The following LSAMP variants were observed in gnomAD, a reference collection of about 807,000 sequenced individuals.
LSAMP encodes limbic system associated membrane protein, also known as limbic system-associated membrane protein.
A neutral mutation model predicts 38.6 loss-of-function variants in LSAMP; 7 were observed. The observed-to-expected ratio is 0.18, with a 90% CI of 0.10 to 0.34. The LOEUF is 0.34. Ranked by LOEUF, LSAMP falls within the 10% of genes least tolerant of loss-of-function variation. LSAMP has a pLI of 1.00. For missense variants in LSAMP, 313 were observed against 420.0 expected (o/e 0.75, Z 2.23); for synonymous variants, 154 against 166.8 (o/e 0.92, Z 0.59).
intron 3 of LSAMP, among the ~76,000 whole-genome samples, chr3:115,997,006 G>C (rs1939833900): frequency 6.6e-6 from 1 of 152,120 alleles, no homozygotes; most frequent in Non-Finnish European, 1.5e-5. Context: ...GTGACCATGT[G>C]ACTCACTCTC....
intron 3 of LSAMP, among the ~76,000 whole-genome samples, chr3:115,982,433 T>C (rs780090462): frequency 5.3e-5 from 8 of 152,208 alleles, no homozygotes; most frequent in Non-Finnish European, 1.2e-4. Flanking sequence ...ATACAGATTC[T>C]TTATTTAAAT....
intron 2 of LSAMP, among the ~76,000 whole-genome samples, chr3:116,057,932 T>TACACACACAC (rs535645480): frequency 7.3e-6 from 1 of 136,660 alleles, no homozygotes; most frequent in African/African-American, 2.8e-5. Flanking sequence ...ATATAGTAGC[T>TACACACACAC]ACACACACAC....
At chr3:115,904,229 T>C (rs1436653188) in intron 3 of LSAMP, among the ~76,000 whole-genome samples, 2 of 152,160 alleles carry the variant, frequency 1.3e-5, no homozygotes, top group African/African-American at 4.8e-5. Context: ...TAAACATATT[T>C]TAGGAATTAT....
intron 3 of LSAMP, among the ~76,000 whole-genome samples, chr3:115,935,751 T>C (rs1220113596): frequency 6.6e-6 from 1 of 152,176 alleles, no homozygotes; most frequent in East Asian, 1.9e-4. Context: ...CAAAAATTTT[T>C]CACATCATGA....
chr3:116,022,246 T>C (rs1425837320), intron 2 of LSAMP, among the ~76,000 whole-genome samples: 1 of 152,180 alleles, frequency 6.6e-6, no homozygotes, highest in Non-Finnish European at 1.5e-5. Flanking sequence ...TCTTTTTTTT[T>C]TTTCTTTTTT....
chr3:116,156,515 G>A (rs1448657197), intron 1 of LSAMP, among the ~76,000 whole-genome samples: 1 of 152,126 alleles, frequency 6.6e-6, no homozygotes, highest in Non-Finnish European at 1.5e-5. Flanking sequence ...TGGACAGAAA[G>A]TGTGATGTGA....
At chr3:115,939,585 T>TTTCTC (rs58450242) in intron 3 of LSAMP, among the ~76,000 whole-genome samples, 2 of 150,210 alleles carry the variant, frequency 1.3e-5, no homozygotes, top group African/African-American at 2.5e-5. Context: ...TCTTTCTTTC[T>TTTCTC]GTTAAGAGAC....
intron 2 of LSAMP, among the ~76,000 whole-genome samples, chr3:116,085,189 AGACATGC>A (rs1235525300): frequency 6.6e-6 from 1 of 152,210 alleles, no homozygotes; most frequent in Non-Finnish European, 1.5e-5. Context: ...GCAAGCTAGT[AGACATGC>A]CTTTACAAGC....
chr3:116,313,079 C>A (rs1241129628), intron 1 of LSAMP, among the ~76,000 whole-genome samples: 1 of 152,120 alleles, frequency 6.6e-6, no homozygotes, highest in Non-Finnish European at 1.5e-5. Context: ...CACAAAAACA[C>A]CTTTATGAAT....
intron 3 of LSAMP, among the ~76,000 whole-genome samples, chr3:115,913,052 CAA>C (rs1343488594): frequency 6.6e-6 from 1 of 152,120 alleles, no homozygotes; most frequent in Non-Finnish European, 1.5e-5. Flanking sequence ...TGGATTTCCC[CAA>C]GTTAGATTTT....
At chr3:116,159,657 T>A (rs991800164) in intron 1 of LSAMP, among the ~76,000 whole-genome samples, 1 of 152,150 alleles carries the variant, frequency 6.6e-6, no homozygotes, top group South Asian at 2.1e-4. Context: ...GGTGGGAGTA[T>A]AAATTAATTC....
At chr3:116,092,854 C>G (rs1708153810) in intron 1 of LSAMP, among the ~76,000 whole-genome samples, 1 of 152,184 alleles carries the variant, frequency 6.6e-6, no homozygotes, top group Non-Finnish European at 1.5e-5. Context: ...TGATACATAT[C>G]TACCAAATAT....
chr3:116,353,477 CT>C (rs1456570584), intron 1 of LSAMP, among the ~76,000 whole-genome samples: 1 of 152,046 alleles, frequency 6.6e-6, no homozygotes, highest in Non-Finnish European at 1.5e-5. Context: ...GGACCATGCA[CT>C]TCTTGAAGAC....
intron 3 of LSAMP, among the ~76,000 whole-genome samples, chr3:115,887,091 C>T (rs1936473970): frequency 6.6e-6 from 1 of 151,778 alleles, no homozygotes; most frequent in Non-Finnish European, 1.5e-5. Flanking sequence ...TCTTTGAACC[C>T]CCTTGACCTT....
chr3:116,015,743 A>G (rs1940461171), intron 3 of LSAMP, among the ~76,000 whole-genome samples: 1 of 147,876 alleles, frequency 6.8e-6, no homozygotes, highest in South Asian at 2.1e-4. Flanking sequence ...AAAAGAAAGA[A>G]ACAAACTGGC....
intron 2 of LSAMP, among the ~76,000 whole-genome samples, chr3:116,073,182 G>A (rs2107386569): frequency 6.6e-6 from 1 of 152,264 alleles, no homozygotes; most frequent in African/African-American, 2.4e-5. Context: ...TCCATTGCTT[G>A]TTTTTGTCAG....
intron 1 of LSAMP, among the ~76,000 whole-genome samples, chr3:116,438,515 A>G (rs184705272): frequency 4.1e-4 from 62 of 152,340 alleles, no homozygotes; most frequent in Admixed American, 1.7e-3. Context: ...AGGCTTTTCT[A>G]TAAGTTTCAA....
At position 116,341,575 on chromosome 3, in the gene LSAMP, G is replaced by A. The variant is rs745576575; in HGVS notation, c.155+103302C>T. Among the ~76,000 whole-genome samples the A allele has an allele frequency of 5.9e-5, 9 of 152,122 alleles. No individual in the cohort carries two copies. In the South Asian group the frequency reaches 6.2e-4, roughly 10 times the overall value. ...TGAAAACCAATACATCTTGAGCAAA[G>A]TAATTCAATGGACAGGAGAAACCTG... On this transcript the variant is annotated intron_variant, in intron 1 of 6. Coordinates refer to ENST00000490035, the MANE Select transcript of LSAMP (RefSeq NM_002338.5).
At chr3:116,142,980 C>T (rs1709406515) in intron 1 of LSAMP, among the ~76,000 whole-genome samples, 2 of 150,128 alleles carry the variant, frequency 1.3e-5, no homozygotes, top group South Asian at 4.2e-4. Flanking sequence ...CAAAGTTTAA[C>T]ATTATGTAGT....
Sources: gnomAD v4.1 joint callset for allele counts (sites outside exome capture counted in the v4.1 genomes callset) on GRCh38, gnomAD v4.1.1 for gene constraint, MANE v1.5 for transcripts, NCBI Gene and HGNC (gene_info 2026-07-23, HGNC 2026-07-21) for gene names.